P2RY8: variants seen among roughly 807,000 people sequenced by gnomAD.
The protein encoded by P2RY8 is S-geranylgeranyl-glutathione receptor P2RY8.
A neutral mutation model predicts 10.0 loss-of-function variants in P2RY8; 6 were observed. The observed-to-expected ratio is 0.60, with a 90% CI of 0.33 to 1.19. The LOEUF (loss-of-function observed/expected upper bound fraction) is 1.19, where lower values mean the gene tolerates loss of function less well. P2RY8 is among the 50% of genes most tolerant of loss of function. P2RY8 has a pLI of 0.04. For missense variants in P2RY8, 456 were observed against 542.0 expected, an observed-to-expected ratio of 0.84 and a Z score of 1.58; for synonymous variants, 276 against 252.5, an observed-to-expected ratio of 1.09 and a Z score of -0.88.
At chrX:1,468,477 C>T (rs2091724310) in intron 1 of P2RY8, among the ~76,000 whole-genome samples, 1 of 152,172 alleles carries the variant, frequency 6.6e-6, no homozygotes, top group Non-Finnish European at 1.5e-5. Flanking sequence ...TGCTGAGGAA[C>T]GCGCATGACT....
chrX:1,495,099 G>A (rs1373302017), intron 1 of P2RY8, among the ~76,000 whole-genome samples: 1 of 152,130 alleles, frequency 6.6e-6, no homozygotes, highest in Non-Finnish European at 1.5e-5. Flanking sequence ...AGGCTGCAGT[G>A]AGCTGAACTG....
At chrX:1,502,456 C>T (rs2092189875) in intron 1 of P2RY8, among the ~76,000 whole-genome samples, 1 of 152,078 alleles carries the variant, frequency 6.6e-6, no homozygotes, top group Non-Finnish European at 1.5e-5. Context: ...TCTACTGACT[C>T]TCTGGGGACC....
intron 1 of P2RY8, among the ~76,000 whole-genome samples, chrX:1,484,996 T>TA (rs2091974386): frequency 6.8e-6 from 1 of 146,708 alleles, no homozygotes; most frequent in Admixed American, 6.8e-5. Flanking sequence ...CTTTTTTTTT[T>TA]TTTTTTTTTT....
rs539683722 is a variant in P2RY8 at position 1,535,184 on chromosome X, CTTTTTT to C, written c.-25+1731_-25+1736del. Among the ~76,000 whole-genome samples the C allele has an allele frequency of 1.5e-4, 12 of 80,632 alleles. No individual in the cohort carries two copies. The East Asian group carries it at 3.1e-3, about 21-fold the overall frequency. 52.9% of individuals were successfully genotyped at this position (80,632 alleles called of 152,430 possible). A position where few individuals can be genotyped will look rare whatever the true frequency, so the allele number is the denominator to read the frequency against. ...CTGCTTTTCCAATGTGGGATAATTC[CTTTTTT>C]TTTTTTTTTTTTTTTGAGACAGAGT... On this transcript the variant is annotated intron_variant, in intron 1 of 1. Coordinates refer to ENST00000381297, the MANE Select transcript of P2RY8 (RefSeq NM_178129.5).
intron 1 of P2RY8, among the ~76,000 whole-genome samples, chrX:1,535,184 CTT>C (rs539683722): frequency 1.5e-4 from 12 of 80,630 alleles, no homozygotes; most frequent in Non-Finnish European, 2.0e-4. Flanking sequence ...GGGATAATTC[CTT>C]TTTTTTTTTT....
intron 1 of P2RY8, among the ~76,000 whole-genome samples, chrX:1,511,356 A>C (rs1259354967): frequency 6.6e-6 from 1 of 152,186 alleles, no homozygotes; most frequent in African/African-American, 2.4e-5. Context: ...CTCCTCCTGT[A>C]ACCTGTTGAA....
intron 1 of P2RY8, among the ~76,000 whole-genome samples, chrX:1,482,975 G>A (rs1477587156): frequency 3.9e-5 from 6 of 151,982 alleles, no homozygotes; most frequent in African/African-American, 1.5e-4. Context: ...GATAGCATTA[G>A]GAGATATACC....
intron 1 of P2RY8, among the ~76,000 whole-genome samples, chrX:1,503,246 C>T (rs1336393015): frequency 2.4e-4 from 37 of 152,106 alleles, no homozygotes; most frequent in Middle Eastern, 3.2e-3. Flanking sequence ...TGAGGGAGCA[C>T]GGACCTGAGA....
intron 1 of P2RY8, among the ~76,000 whole-genome samples, chrX:1,467,317 C>G (rs1323188323): frequency 8.5e-5 from 13 of 152,200 alleles, no homozygotes; most frequent in Admixed American, 7.9e-4. Flanking sequence ...TTCTTACCAA[C>G]TGCTCTACAA....
In P2RY8 at chrX:1,466,577, CG is replaced by C. The variant is rs1210365238; in HGVS notation, c.-20del. 2 of 1,593,244 alleles carry C rather than the reference CG, an allele frequency of 1.3e-6. No homozygotes were observed. Among genetic ancestry groups the C allele is most frequent in the Non-Finnish European group, 1.7e-6 (2 of 1,173,072 alleles). ...CCTGCATCCTGGAGGGGTCCTCGCC[CG>C]GGCTCTGCAAGGGAAGGAGGGAAGG... On this transcript the variant is annotated 5_prime_UTR_variant, in exon 2 of 2. Coordinates refer to ENST00000381297, the MANE Select transcript of P2RY8 (RefSeq NM_178129.5).
chrX:1,533,561 TATTTATTATTTAAATATA>T (rs2092497398), intron 1 of P2RY8, among the ~76,000 whole-genome samples: 2 of 7,454 alleles, frequency 2.7e-4, no homozygotes, highest in Non-Finnish European at 1.2e-3. Context: ...TATACTTATA[TATTTATTATTTAAATATA>T]TTATATACTT....
chrX:1,484,746 AAAGAAGAAG>A (rs1291013790), intron 1 of P2RY8, among the ~76,000 whole-genome samples: 2,264 of 109,670 alleles, frequency 0.021, 86 homozygotes, highest in South Asian at 0.037. Flanking sequence ...AAAAAAAAAA[AAAGAAGAAG>A]AAGAAGAAGA....
chrX:1,506,154 G>A (rs186966984), intron 1 of P2RY8, among the ~76,000 whole-genome samples: 10 of 151,806 alleles, frequency 6.6e-5, no homozygotes, highest in African/African-American at 2.2e-4. Context: ...CACCACACCT[G>A]GCTAATTTTT....
At chrX:1,524,645 A>ATCCATC (rs1569538712) in intron 1 of P2RY8, among the ~76,000 whole-genome samples, 22 of 42,214 alleles carry the variant, frequency 5.2e-4, no homozygotes, top group South Asian at 1.1e-3. Flanking sequence ...ATCCATCCAT[A>ATCCATC]CATCCATCCA....
chrX:1,522,547 C>T (rs1302386413), intron 1 of P2RY8, among the ~76,000 whole-genome samples: 1 of 152,158 alleles, frequency 6.6e-6, no homozygotes, highest in Non-Finnish European at 1.5e-5. Context: ...GTCCCAGCAC[C>T]TTGGGAGGCC....
intron 1 of P2RY8, among the ~76,000 whole-genome samples, chrX:1,525,961 C>T (rs2092437189): frequency 6.6e-6 from 1 of 151,590 alleles, no homozygotes; most frequent in Admixed American, 6.6e-5. Flanking sequence ...TCAATACACC[C>T]ACTATTCACT....
chrX:1,514,078 C>A (rs1160385340), intron 1 of P2RY8, among the ~76,000 whole-genome samples: 2 of 152,188 alleles, frequency 1.3e-5, no homozygotes, highest in Non-Finnish European at 2.9e-5. Context: ...ATAGCGTTAA[C>A]AACTTGTGCC....
chrX:1,473,744 ATGATGAATGGATGGG>A (rs1215563982), intron 1 of P2RY8, among the ~76,000 whole-genome samples: 1 of 125,152 alleles, frequency 8.0e-6, no homozygotes, highest in Non-Finnish European at 1.7e-5. Context: ...GGGTGGATGG[ATGATGAATGGATGGG>A]GATGGGTAGA....
intron 1 of P2RY8, among the ~76,000 whole-genome samples, chrX:1,478,623 C>T (rs1181580213): frequency 7.2e-5 from 11 of 151,898 alleles, no homozygotes; most frequent in Non-Finnish European, 1.2e-4. Flanking sequence ...GGACTACAGG[C>T]GCCTGCCACC....
Sources: allele counts gnomAD v4.1 joint callset (sites outside exome capture counted in the v4.1 genomes callset), GRCh38; gene constraint gnomAD v4.1.1; transcripts MANE v1.5; gene names NCBI Gene and HGNC (gene_info 2026-07-23, HGNC 2026-07-21).